The following SH3RF1 variants were observed in gnomAD, a reference collection of about 807,000 sequenced individuals.
The protein encoded by SH3RF1 is E3 ubiquitin-protein ligase SH3RF1.
Under a neutral mutation model 74.0 loss-of-function variants are expected in SH3RF1, and 32 were observed. The ratio of observed to expected loss-of-function variants is 0.43; its 90% confidence interval spans 0.33 to 0.58. The LOEUF (loss-of-function observed/expected upper bound fraction) is 0.58. Ranked by LOEUF, SH3RF1 falls within the 20% of genes least tolerant of loss-of-function variation. SH3RF1 has a pLI of 0.05. For synonymous variants in SH3RF1, 396 were observed against 439.6 expected (o/e 0.90, Z 1.24); for missense variants, 954 against 1,130.9 (o/e 0.84, Z 2.24).
intron 2 of SH3RF1, among the ~76,000 whole-genome samples, chr4:169,244,623 T>C (rs1403815154): frequency 6.6e-6 from 1 of 152,162 alleles, no homozygotes; most frequent in Non-Finnish European, 1.5e-5. Flanking sequence ...AGATCCAACA[T>C]CCTGACTAAC....
intron 8 of SH3RF1, 27 bp from the exon 9 acceptor site, chr4:169,117,809 A>G (rs769782965): frequency 1.9e-6 from 3 of 1,588,428 alleles, no homozygotes; most frequent in Non-Finnish European, 2.6e-6. Flanking sequence ...ATAGATGGAA[A>G]GCCCAGTCCA....
chr4:169,112,923 G>C (rs1042097262), intron 10 of SH3RF1, among the ~76,000 whole-genome samples: 9 of 152,162 alleles, frequency 5.9e-5, no homozygotes, highest in African/African-American at 9.7e-5. Flanking sequence ...AACAAACTTT[G>C]ACGAGAGGGA....
intron 2 of SH3RF1, among the ~76,000 whole-genome samples, chr4:169,206,455 T>C (rs1057342024): frequency 7.2e-5 from 11 of 152,188 alleles, no homozygotes; most frequent in African/African-American, 2.7e-4. Flanking sequence ...GGAGGATGGC[T>C]TGAAGCCAGG....
At chr4:169,133,649 C>T (rs763395108) in intron 5 of SH3RF1, among the ~76,000 whole-genome samples, 13 of 151,800 alleles carry the variant, frequency 8.6e-5, no homozygotes, top group African/African-American at 2.7e-4. Flanking sequence ...GTGGTGGTGG[C>T]GCCTGTAATC....
In SH3RF1 at chr4:169,156,557, G is replaced by C; in HGVS notation, c.516C>G (p.Tyr172Ter). ...ILRRQVDENW[Y>*]HGEVNGIHGF... ...CATGGATTCCATTGACTTCCCCATG[G>C]TACCAATTTTCATCCACTTGTCTTC... The change falls in exon 3 of 12, where the codon TAC becomes TAG. Residue 172 changes from tyrosine (Y) to a stop codon, truncating the protein, a stop_gained. Transcript: ENST00000284637. LOFTEE classifies it high-confidence loss of function. 1 of 1,614,028 alleles carries C rather than the reference G, an allele frequency of 6.2e-7. No homozygotes were observed. The highest frequency in any genetic ancestry group is 8.5e-7 in the Non-Finnish European group (1 of 1,179,994).
chr4:169,207,940 G>C (rs1303758437), intron 2 of SH3RF1, among the ~76,000 whole-genome samples: 4 of 152,012 alleles, frequency 2.6e-5, no homozygotes, highest in African/African-American at 4.8e-5. Flanking sequence ...CAGTAGGGGT[G>C]GGGGGATCCT....
At chr4:169,121,070 G>A in intron 7 of SH3RF1, 81 bp from the exon 8 acceptor site, 5 of 1,131,816 alleles carry the variant, frequency 4.4e-6, no homozygotes, top group Non-Finnish European at 6.6e-6. Context: ...TTGGTACAAA[G>A]TGTTGAACAT....
chr4:169,192,429 T>C (rs1342868961), intron 2 of SH3RF1, among the ~76,000 whole-genome samples: 6 of 151,926 alleles, frequency 3.9e-5, no homozygotes, highest in Non-Finnish European at 5.9e-5. Flanking sequence ...ATGAAAACCA[T>C]AATGCGATAC....
intron 2 of SH3RF1, among the ~76,000 whole-genome samples, chr4:169,160,037 C>A (rs1188397894): frequency 6.6e-6 from 1 of 152,164 alleles, no homozygotes; most frequent in African/African-American, 2.4e-5. Flanking sequence ...GCATTGGAAG[C>A]CTGCATGAAT....
intron 2 of SH3RF1, among the ~76,000 whole-genome samples, chr4:169,168,969 G>T (rs113934068): frequency 7.2e-5 from 11 of 152,274 alleles, no homozygotes; most frequent in African/African-American, 2.6e-4. Flanking sequence ...AATCAAGCCA[G>T]CTTCAATACT....
chr4:169,136,723 A>G, intron 4 of SH3RF1, 103 bp from the exon 5 acceptor site: 3 of 1,286,308 alleles, frequency 2.3e-6, no homozygotes, highest in Non-Finnish European at 3.1e-6. Context: ...TAAAGTCACT[A>G]CTTTAAAGTT....
At chr4:169,157,251 A>C (rs1373197687) in intron 2 of SH3RF1, among the ~76,000 whole-genome samples, 1 of 152,190 alleles carries the variant, frequency 6.6e-6, no homozygotes, top group Non-Finnish European at 1.5e-5. Context: ...TGAGTATTTA[A>C]TGAGGGTCTA....
Position 169,247,833 on chromosome 4 carries a change from G to C in SH3RF1, c.393+20987C>G, listed in dbSNP as rs1162692649. Among the ~76,000 whole-genome samples the C allele has an allele frequency of 2.0e-5, 3 of 151,828 alleles. No homozygotes were observed. The East Asian group carries it at 5.8e-4, about 30-fold the overall frequency. ...CGACCCCATCAAAAAGTGGATGAAG[G>C]ACATGAACAGACACTGCTCAAAAGA... On this transcript the variant is annotated intron_variant, in intron 2 of 11. Coordinates refer to ENST00000284637, the MANE Select transcript of SH3RF1 (RefSeq NM_020870.4).
At chr4:169,189,937 T>G (rs1169127254) in intron 2 of SH3RF1, among the ~76,000 whole-genome samples, 1 of 152,116 alleles carries the variant, frequency 6.6e-6, no homozygotes, top group Admixed American at 6.5e-5. Context: ...TTCAAAACCA[T>G]GCAAATACAT....
intron 11 of SH3RF1, among the ~76,000 whole-genome samples, chr4:169,099,844 G>T (rs1473883069): frequency 6.6e-6 from 1 of 151,468 alleles, no homozygotes; most frequent in Admixed American, 6.6e-5. Context: ...ATAAACCTCT[G>T]GGGGGGCGGG....
At chr4:169,212,256 G>T (rs1159872329) in intron 2 of SH3RF1, among the ~76,000 whole-genome samples, 1 of 151,468 alleles carries the variant, frequency 6.6e-6, no homozygotes, top group Non-Finnish European at 1.5e-5. Context: ...TAGAGACAGG[G>T]TTTCTCCATG....
intron 2 of SH3RF1, among the ~76,000 whole-genome samples, chr4:169,182,986 C>T (rs374212872): frequency 1.3e-5 from 2 of 152,134 alleles, no homozygotes; most frequent in Admixed American, 1.3e-4. Flanking sequence ...GTTTGAGACC[C>T]GGCTGAGCAA....
At chr4:169,252,033 G>A (rs1561065101) in intron 2 of SH3RF1, among the ~76,000 whole-genome samples, 1 of 152,192 alleles carries the variant, frequency 6.6e-6, no homozygotes, top group African/African-American at 2.4e-5. Context: ...GCCTACAAGA[G>A]CGAGGACTCT....
intron 2 of SH3RF1, among the ~76,000 whole-genome samples, chr4:169,235,342 A>G (rs1306084972): frequency 2.0e-5 from 3 of 152,252 alleles, no homozygotes; most frequent in African/African-American, 7.2e-5. Flanking sequence ...GACAAAATTC[A>G]TAATAAAAAA....
Sources: gnomAD v4.1 joint callset for allele counts (sites outside exome capture counted in the v4.1 genomes callset) on GRCh38, gnomAD v4.1.1 for gene constraint, MANE v1.5 for transcripts, NCBI Gene and HGNC (gene_info 2026-07-23, HGNC 2026-07-21) for gene names.